LRP8: variants seen among roughly 807,000 people sequenced by gnomAD.
LRP8 encodes the protein LDL receptor related protein 8, also known as low-density lipoprotein receptor-related protein 8.
A neutral mutation model predicts 111.6 loss-of-function variants in LRP8; 46 were observed. The observed-to-expected ratio is 0.41, with a 90% CI of 0.33 to 0.53. LRP8 has a LOEUF of 0.53. Among genes scored for constraint, LRP8 ranks in the 20% least tolerant of loss-of-function variants. LRP8 has a pLI of 0.20. For missense variants in LRP8, 959 were observed against 1,297.4 expected (o/e 0.74, Z 4.01); for synonymous variants, 464 against 511.2 (o/e 0.91, Z 1.24).
intron 8 of LRP8, 140 bp downstream of exon 8, chr1:53,270,888 C>A: frequency 8.1e-7 from 1 of 1,227,956 alleles, no homozygotes; most frequent in Non-Finnish European, 1.2e-6. Flanking sequence ...GACAAGGGAC[C>A]GAGGATTCCC....
rs1040460396 is a variant in LRP8 at position 53,317,039 on chromosome 1, G to A, written c.244+9834C>T. Among the ~76,000 whole-genome samples, 2 of 152,226 alleles carry A rather than the reference G, an allele frequency of 1.3e-5. No individual in the cohort carries two copies. Among genetic ancestry groups the A allele is most frequent in the Non-Finnish European group, 2.9e-5 (2 of 68,004 alleles). ...GGTCCAGAATAGTCACCTCCCTCCT[G>A]GTACACAGCCCCTCCTCTGAAGCAC... On this transcript the variant is annotated intron_variant, in intron 2 of 18. Coordinates refer to ENST00000306052, the MANE Select transcript of LRP8 (RefSeq NM_004631.5). The surrounding 1 kb of genome is among the most constrained non-coding windows in gnomAD (Gnocchi z 4.9).
intron 2 of LRP8, among the ~76,000 whole-genome samples, chr1:53,324,811 A>G (rs1654939732): frequency 6.6e-6 from 1 of 152,054 alleles, no homozygotes; most frequent in Non-Finnish European, 1.5e-5. Context: ...CAGCTCCTAG[A>G]TCACACTCCT....
At chr1:53,324,771 A>C (rs1416843885) in intron 2 of LRP8, among the ~76,000 whole-genome samples, 1 of 152,152 alleles carries the variant, frequency 6.6e-6, no homozygotes, top group Non-Finnish European at 1.5e-5. Flanking sequence ...GCTGAAACGC[A>C]CCAGGCCTAA....
Position 53,243,162 on chromosome 1 carries a change from A to G in LRP8, c.*3856T>C, listed in dbSNP as rs528667571. 4.7e-4 allele frequency: 71 copies of G among 152,332 alleles called. No individual in the cohort carries two copies. The highest frequency in any genetic ancestry group is 1.7e-3 in the African/African-American group (70 of 41,572). 9.4% of individuals were successfully genotyped at this position (152,332 alleles called of 1,614,324 possible). On this transcript the variant is annotated 3_prime_UTR_variant, in exon 19 of 19. Transcript: ENST00000306052. ...TTATATTTTGTGAAACGATGAGTGTATGGCTGGAGTTCGGGGGGTAGGGTG... is the reference window on the plus strand; with the variant it reads ...TTATATTTTGTGAAACGATGAGTGTGTGGCTGGAGTTCGGGGGGTAGGGTG...
rs1337076064 is a variant in LRP8 at position 53,257,466 on chromosome 1, T to C, written c.2210-2A>G. 6.2e-7 allele frequency: 1 copy of C among 1,613,112 alleles called. No individual in the cohort carries two copies. The highest frequency in any genetic ancestry group is 8.5e-7 in the Non-Finnish European group (1 of 1,179,144). On this transcript the variant is annotated splice_acceptor_variant, in intron 14 of 18. Transcript: ENST00000306052. LOFTEE classifies it high-confidence loss of function. ...TCGTAGTTGAGGTAGATTGAGGTGCTGGAGGGGAAATACCATGGAGGTCAC... is the reference window on the plus strand; with the variant it reads ...TCGTAGTTGAGGTAGATTGAGGTGCCGGAGGGGAAATACCATGGAGGTCAC...
intron 2 of LRP8, among the ~76,000 whole-genome samples, chr1:53,316,887 C>T (rs571494335): frequency 6.6e-6 from 1 of 152,292 alleles, no homozygotes; most frequent in Admixed American, 6.5e-5. Context: ...AGACTGCTGG[C>T]GCCTCTCCAG....
Position 53,266,398 on chromosome 1 carries a change from C to A in LRP8, c.1427+75G>T. 1 of 1,507,896 alleles carries A rather than the reference C, an allele frequency of 6.6e-7. No homozygotes were observed. Among genetic ancestry groups the A allele is most frequent in the Non-Finnish European group, 9.1e-7 (1 of 1,096,560 alleles). The allele number at this position is 1,507,896 out of a possible 1,614,324, so 93.4% of individuals were successfully genotyped here. A position where few individuals can be genotyped will look rare whatever the true frequency, so the allele number is the denominator to read the frequency against. Reference sequence around the variant, plus strand: ...TGAGGAGCTCTAGAGGCAGACACCACTCCTCCCCTCCTCACCTGTCACCAC... The same window carrying A: ...TGAGGAGCTCTAGAGGCAGACACCAATCCTCCCCTCCTCACCTGTCACCAC... On this transcript the variant is annotated intron_variant, in intron 9 of 18. Coordinates refer to ENST00000306052, the MANE Select transcript of LRP8 (RefSeq NM_004631.5). The surrounding 1 kb of genome is among the most constrained non-coding windows in gnomAD (Gnocchi z 5.0).
intron 2 of LRP8, among the ~76,000 whole-genome samples, chr1:53,312,911 C>T (rs974411446): frequency 1.4e-4 from 21 of 152,196 alleles, no homozygotes; most frequent in African/African-American, 4.1e-4. Flanking sequence ...GCAATGCTGA[C>T]GTGCTGGGCA....
At chr1:53,272,464 C>G in intron 6 of LRP8, 1 of 741,498 alleles carries the variant, frequency 1.3e-6, no homozygotes, top group Non-Finnish European at 2.0e-6. Context: ...CACTGCCACT[C>G]CAGCCAAGCC....
At chr1:53,316,161 G>A (rs1198259500) in intron 2 of LRP8, among the ~76,000 whole-genome samples, 3 of 152,192 alleles carry the variant, frequency 2.0e-5, no homozygotes, top group African/African-American at 7.2e-5. Context: ...CAGAGCGGGA[G>A]TCTGGGGTTC....
At position 53,276,848 on chromosome 1, in the gene LRP8, C is replaced by T. The variant is rs1646937777; in HGVS notation, c.727G>A (p.Glu243Lys). The change falls in exon 5 of 19, where the codon GAG (glutamate) becomes AAG (lysine). Residue 243 changes from glutamate (E) to lysine (K), a missense_variant. By Grantham distance (56) the Glu-to-Lys change is moderately conservative. Transcript: ENST00000306052. ...CCGGGGCCCGGACGGCCGCAGAGCT[C>T]GGCTGCCTCGTCCGAGCGGTCCTCG... ...DCEDRSDEAAELCGRPGPGAT... is the reference protein window; with the variant it reads ...DCEDRSDEAAKLCGRPGPGAT... The T allele has an allele frequency of 7.6e-7, 1 of 1,319,554 alleles. No individual in the cohort carries two copies. Among genetic ancestry groups the T allele is most frequent in the Middle Eastern group, 2.8e-4 (1 of 3,540 alleles). 81.7% of individuals were successfully genotyped at this position (1,319,554 alleles called of 1,614,324 possible).
chr1:53,271,168 A>G lies in LRP8; in HGVS notation c.1127-15T>C. 3.7e-6 allele frequency: 6 copies of G among 1,614,058 alleles called. No homozygotes were observed. Among genetic ancestry groups the G allele is most frequent in the Non-Finnish European group, 5.1e-6 (6 of 1,180,006 alleles). On this transcript the variant is annotated splice_polypyrimidine_tract_variant and intron_variant, in intron 7 of 18. Coordinates refer to ENST00000306052, the MANE Select transcript of LRP8 (RefSeq NM_004631.5). ...CTCATCAATGTCTGTGGGGAGGAGCAGGAGTCAGAACCAGCAGGAGGATCT... is the reference window on the plus strand; with the variant it reads ...CTCATCAATGTCTGTGGGGAGGAGCGGGAGTCAGAACCAGCAGGAGGATCT...
chr1:53,299,580 C>T (rs1650417898), intron 2 of LRP8, among the ~76,000 whole-genome samples: 1 of 152,178 alleles, frequency 6.6e-6, no homozygotes, highest in Non-Finnish European at 1.5e-5. Flanking sequence ...CTCTGCCACC[C>T]CCAGCCTCAC....
chr1:53,270,894 T>G, intron 8 of LRP8, 134 bp downstream of exon 8: 2 of 1,302,396 alleles, frequency 1.5e-6, no homozygotes, highest in Non-Finnish European at 2.2e-6. Context: ...GGACCGAGGA[T>G]TCCCGTACCT....
intron 3 of LRP8, among the ~76,000 whole-genome samples, chr1:53,281,928 G>A (rs1211617614): frequency 6.6e-6 from 1 of 152,226 alleles, no homozygotes; most frequent in Non-Finnish European, 1.5e-5. Flanking sequence ...CATGGTGGTA[G>A]GCACTAAGTT....
chr1:53,250,148 A>G lies in LRP8; in HGVS notation c.2676+542T>C, dbSNP rs1233990783. Among the ~76,000 whole-genome samples, 4 of 152,212 alleles carry G rather than the reference A, an allele frequency of 2.6e-5. No individual in the cohort carries two copies. The highest frequency in any genetic ancestry group is 5.9e-5 in the Non-Finnish European group (4 of 68,030). On this transcript the variant is annotated intron_variant, in intron 17 of 18. Transcript: ENST00000306052. The surrounding 1 kb of genome is among the most constrained non-coding windows in gnomAD (Gnocchi z 4.6). Reference sequence around the variant, plus strand: ...TGTATGTTAGTATCTCTAACTCCCTACCAGCTTCTTGGGAGCAAGCATGTT... The same window carrying G: ...TGTATGTTAGTATCTCTAACTCCCTGCCAGCTTCTTGGGAGCAAGCATGTT...
intron 15 of LRP8, among the ~76,000 whole-genome samples, chr1:53,256,530 G>C (rs1004947215): frequency 7.9e-5 from 12 of 152,352 alleles, no homozygotes; most frequent in African/African-American, 2.9e-4. Flanking sequence ...AATAGGACCA[G>C]TTAGGAAGAT....
intron 16 of LRP8, among the ~76,000 whole-genome samples, chr1:53,251,383 G>A (rs918107054): frequency 6.6e-6 from 1 of 152,086 alleles, no homozygotes; most frequent in Non-Finnish European, 1.5e-5. Flanking sequence ...GCCAGGCAGA[G>A]TGTTTATTTC....
intron 3 of LRP8, among the ~76,000 whole-genome samples, chr1:53,287,853 G>A (rs1244765002): frequency 6.6e-6 from 1 of 151,630 alleles, no homozygotes; most frequent in African/African-American, 2.4e-5. Context: ...AGAAGAGATG[G>A]TGAGAGGGAG....
Sources: gnomAD v4.1 joint callset for allele counts (sites outside exome capture counted in the v4.1 genomes callset) on GRCh38, gnomAD v4.1.1 for gene constraint, Gnocchi (gnomAD v3.1) non-coding constraint, MANE v1.5 for transcripts, NCBI Gene and HGNC (gene_info 2026-07-23, HGNC 2026-07-21) for gene names.